The following ZNF266 variants were observed in gnomAD, a reference collection of about 807,000 sequenced individuals.
The protein encoded by ZNF266 is zinc finger protein 1.
Under a neutral mutation model 16.4 loss-of-function variants are expected in ZNF266, and 16 were observed. The observed-to-expected ratio is 0.98, with a 90% confidence interval of 0.66 to 1.48. The LOEUF (loss-of-function observed/expected upper bound fraction) is 1.48, where lower values mean the gene tolerates loss of function less well. Ranked by LOEUF, ZNF266 falls within the 40% of genes most tolerant of loss-of-function variation. The pLI, the probability that ZNF266 is intolerant of heterozygous loss-of-function variation, is 0.00. For missense variants in ZNF266, 738 were observed against 689.1 expected, an observed-to-expected ratio of 1.07 and a Z score of -0.79; for synonymous variants, 262 against 237.9, an observed-to-expected ratio of 1.10 and a Z score of -0.93.
chr19:9,421,192 A>G (rs946834378), intron 5 of ZNF266, among the ~76,000 whole-genome samples: 1 of 152,214 alleles, frequency 6.6e-6, no homozygotes, highest in African/African-American at 2.4e-5. Context: ...TGAACCAGAT[A>G]CACCCCCACA....
intron 10 of ZNF266, among the ~76,000 whole-genome samples, chr19:9,415,077 C>T (rs549343924): frequency 6.6e-6 from 1 of 152,288 alleles, no homozygotes; most frequent in Non-Finnish European, 1.5e-5. Context: ...GGCAGATCAC[C>T]TCAGGTCAAG....
At chr19:9,424,255 C>T (rs1208507667) in intron 5 of ZNF266, among the ~76,000 whole-genome samples, 4 of 148,958 alleles carry the variant, frequency 2.7e-5, no homozygotes, top group Non-Finnish European at 5.9e-5. Flanking sequence ...AAAAGTTAAT[C>T]TACTGGCTGG....
At position 9,415,567 on chromosome 19, in the gene ZNF266, C is replaced by T. The variant is rs1321976387; in HGVS notation, c.405+87G>A. 8.4e-5 allele frequency: 98 copies of T among 1,164,554 alleles called. 1 individual carries two copies. In the Middle Eastern group the frequency reaches 1.5e-3, roughly 17 times the overall value. 72.1% of individuals were successfully genotyped at this position (1,164,554 alleles called of 1,614,324 possible). A position where few individuals can be genotyped will look rare whatever the true frequency, so the allele number is the denominator to read the frequency against. On this transcript the variant is annotated intron_variant, in intron 10 of 10. Transcript: ENST00000592904. Reference sequence around the variant, plus strand: ...TGCTGGGATTACAGGTGTGAGCCACCATTCCCAGCTTTATTCTGATTTTCT... The same window carrying T: ...TGCTGGGATTACAGGTGTGAGCCACTATTCCCAGCTTTATTCTGATTTTCT...
At chr19:9,426,501 G>A (rs1202104197) in intron 5 of ZNF266, among the ~76,000 whole-genome samples, 12 of 136,178 alleles carry the variant, frequency 8.8e-5, no homozygotes, top group African/African-American at 1.4e-4. Context: ...CAAAAAAAAA[G>A]GAAAAAAAGC....
intron 8 of ZNF266, 69 bp downstream of exon 8, chr19:9,418,436 T>C (rs368020236): frequency 4.6e-6 from 7 of 1,519,488 alleles, no homozygotes; most frequent in Non-Finnish European, 6.4e-6. Flanking sequence ...CTATCTCTGA[T>C]GTGCAATACA....
At chr19:9,415,156 A>G (rs1392616064) in intron 10 of ZNF266, among the ~76,000 whole-genome samples, 1 of 152,194 alleles carries the variant, frequency 6.6e-6, no homozygotes, top group East Asian at 1.9e-4. Context: ...CTAGCCGGGC[A>G]TGGTGGCACG....
intron 5 of ZNF266, among the ~76,000 whole-genome samples, chr19:9,428,930 C>T (rs542392080): frequency 6.6e-6 from 1 of 152,012 alleles, no homozygotes; most frequent in Admixed American, 6.5e-5. Flanking sequence ...GGCAGGGTCT[C>T]GCTATGTTGC....
chr19:9,418,575 T>C lies in ZNF266; in HGVS notation c.165A>G (p.Leu55=). ...AGAGGTTTCTCTGAGTTGGGTCCAGTAAAGTCCATTCTTCTGGGGTGAAGT... is the reference window on the plus strand; with the variant it reads ...AGAGGTTTCTCTGAGTTGGGTCCAGCAAAGTCCATTCTTCTGGGGTGAAGT... ...AVDFTPEEWT[L]LDPTQRNLYR... The change falls in exon 8 of 11, where the codon TTA becomes TTG. Residue 55 remains leucine (L), a synonymous_variant. Coordinates refer to ENST00000592904, the MANE Select transcript of ZNF266 (RefSeq NM_001370374.1). The C allele has an allele frequency of 1.2e-6, 2 of 1,612,244 alleles. No homozygotes were observed. Among genetic ancestry groups the C allele is most frequent in the South Asian group, 2.2e-5 (2 of 91,024 alleles).
chr19:9,418,537 A>T lies in ZNF266; in HGVS notation c.203T>A (p.Met68Lys). 6.2e-7 allele frequency: 1 copy of T among 1,614,206 alleles called. No homozygotes were observed. The highest frequency in any genetic ancestry group is 8.5e-7 in the Non-Finnish European group (1 of 1,180,018). The change falls in exon 8 of 11, where the codon ATG (methionine) becomes AAG (lysine). Residue 68 changes from methionine (M) to lysine (K), a missense_variant. Met to Lys is a moderately conservative substitution (Grantham distance 95). Transcript: ENST00000592904. ...PTQRNLYRDV[M>K]LENYKNLATV... ...GGCCAAATTCTTGTAGTTCTCCAGC[A>T]TCACATCTCTGTAGAGGTTTCTCTG...
At chr19:9,421,531 C>T (rs537837256) in intron 5 of ZNF266, among the ~76,000 whole-genome samples, 2 of 152,282 alleles carry the variant, frequency 1.3e-5, no homozygotes, top group East Asian at 3.9e-4. Flanking sequence ...CCCATGAAAA[C>T]CTTCTTGCCC....
chr19:9,422,513 C>T (rs549754842), intron 5 of ZNF266, among the ~76,000 whole-genome samples: 6 of 152,302 alleles, frequency 3.9e-5, no homozygotes, highest in Non-Finnish European at 7.3e-5. Flanking sequence ...CCACCCATGG[C>T]CTGTCTGCAT....
At chr19:9,430,946 C>T (rs1217021343) in intron 5 of ZNF266, among the ~76,000 whole-genome samples, 1 of 152,192 alleles carries the variant, frequency 6.6e-6, no homozygotes, top group East Asian at 1.9e-4. Flanking sequence ...AAGGGCAACC[C>T]TCTTCTCGCG....
intron 5 of ZNF266, among the ~76,000 whole-genome samples, chr19:9,430,523 T>C (rs545984997): frequency 6.6e-6 from 1 of 152,186 alleles, no homozygotes; most frequent in Non-Finnish European, 1.5e-5. Flanking sequence ...AACCTTTACA[T>C]ATGCTTTACT....
At chr19:9,422,889 A>C (rs1324329152) in intron 5 of ZNF266, among the ~76,000 whole-genome samples, 1 of 152,210 alleles carries the variant, frequency 6.6e-6, no homozygotes, top group Non-Finnish European at 1.5e-5. Context: ...GCTTGGCTGG[A>C]TGGTCAAAAA....
chr19:9,432,442 C>T (rs775006166), intron 5 of ZNF266, among the ~76,000 whole-genome samples: 1 of 152,136 alleles, frequency 6.6e-6, no homozygotes, highest in Non-Finnish European at 1.5e-5. Context: ...TCACTACATG[C>T]GGCTAGTTCA....
intron 9 of ZNF266, 107 bp from the exon 10 acceptor site, chr19:9,415,849 T>C (rs2068898374): frequency 1.8e-5 from 15 of 852,538 alleles, no homozygotes; most frequent in Non-Finnish European, 2.5e-5. Flanking sequence ...CTTGAGACGG[T>C]GTCTCACTCT....
chr19:9,432,332 T>C lies in ZNF266; in HGVS notation c.-130+1336A>G, dbSNP rs529301808. Reference sequence around the variant, plus strand: ...CATGTATGTGTATAAACCTAGTATGTACTGCCAACAGTTTTTGAAATTGGT... The same window carrying C: ...CATGTATGTGTATAAACCTAGTATGCACTGCCAACAGTTTTTGAAATTGGT... On this transcript the variant is annotated intron_variant, in intron 5 of 10. Transcript: ENST00000592904. Among the ~76,000 whole-genome samples the C allele has an allele frequency of 1.8e-4, 28 of 152,354 alleles. No individual in the cohort carries two copies. The South Asian group carries it at 4.1e-3, about 23-fold the overall frequency.
intron 3 of ZNF266, among the ~76,000 whole-genome samples, 171 bp downstream of exon 3, chr19:9,434,611 AACAATCAAAACCATAT>A (rs1247518370): frequency 6.6e-6 from 1 of 152,228 alleles, no homozygotes; most frequent in Non-Finnish European, 1.5e-5. Flanking sequence ...TAGATCCCAA[AACAATCAAAACCATAT>A]ATTGGAACAA....
chr19:9,435,545 G>A lies in ZNF266; in HGVS notation c.-819C>T, dbSNP rs541626482. ...CCACCAGGAAGAAAACGGGTTTGGC[G>A]GCGCGGAGAAAGCGCCGGAAAACAC... On this transcript the variant is annotated 5_prime_UTR_variant, in exon 1 of 11. Coordinates refer to ENST00000592904, the MANE Select transcript of ZNF266 (RefSeq NM_001370374.1). 2.6e-5 allele frequency: 4 copies of A among 152,346 alleles called. No homozygotes were observed. Among genetic ancestry groups the A allele is most frequent in the Non-Finnish European group, 5.9e-5 (4 of 68,060 alleles). The allele number at this position is 152,346 out of a possible 1,614,324, so 9.4% of individuals were successfully genotyped here. A position where few individuals can be genotyped will look rare whatever the true frequency, so the allele number is the denominator to read the frequency against.
Sources: gnomAD v4.1 joint callset for allele counts (sites outside exome capture counted in the v4.1 genomes callset) on GRCh38, gnomAD v4.1.1 for gene constraint, MANE v1.5 for transcripts, NCBI Gene and HGNC (gene_info 2026-07-23, HGNC 2026-07-21) for gene names.